USH1C: variants seen among roughly 807,000 people sequenced by gnomAD.
USH1C encodes USH1 protein network component harmonin.
A neutral mutation model predicts 119.3 loss-of-function variants in USH1C; 90 were observed. The ratio of observed to expected loss-of-function variants is 0.75; its 90% CI spans 0.64 to 0.90. The LOEUF (loss-of-function observed/expected upper bound fraction) is 0.90, where lower values mean the gene tolerates loss of function less well. Ranked by LOEUF, USH1C falls within the 40% of genes least tolerant of loss-of-function variation. The probability of loss-of-function intolerance (pLI) is 0.00; values close to 1 mark genes in which losing one functional copy is unlikely to be tolerated. For missense variants in USH1C, 1,165 were observed against 1,167.7 expected (o/e 1.00, Z 0.03); for synonymous variants, 465 against 443.3 (o/e 1.05, Z -0.62).
chr11:17,512,281 T>C (rs1849929347), intron 15 of USH1C, among the ~76,000 whole-genome samples: 1 of 152,120 alleles, frequency 6.6e-6, no homozygotes, highest in African/African-American at 2.4e-5. Context: ...GACTGGCTTA[T>C]TAGTTCACTA....
chr11:17,512,094 A>G (rs1849918510), intron 15 of USH1C, 40 bp from the exon 16 acceptor site: 1 of 1,609,310 alleles, frequency 6.2e-7, no homozygotes, highest in Non-Finnish European at 8.5e-7. Flanking sequence ...AAAGGTTAGA[A>G]ATAGTGTCGA....
intron 15 of USH1C, among the ~76,000 whole-genome samples, chr11:17,515,973 G>A (rs1850125801): frequency 6.6e-6 from 1 of 152,204 alleles, no homozygotes. Context: ...CCCCTTTCCT[G>A]TTCCCATCAG....
intron 8 of USH1C, among the ~76,000 whole-genome samples, chr11:17,525,469 T>C (rs75959242): frequency 0.025 from 3,844 of 152,320 alleles, 168 homozygotes; most frequent in African/African-American, 0.087. Context: ...AGGTACTAAG[T>C]TTGGCACTTT....
chr11:17,505,858 T>G lies in USH1C; in HGVS notation c.2105A>C (p.Tyr702Ser). 5 of 1,614,100 alleles carry G rather than the reference T, an allele frequency of 3.1e-6. No homozygotes were observed. The highest frequency in any genetic ancestry group is 4.2e-6 in the Non-Finnish European group (5 of 1,179,992). ...AACTTCAGATTTCACAGCTGGCCTG[T>G]AGATGAAATTGGGCTCCTGGTGGAC... ...VMVHQEPNFI[Y>S]RPAVKSEVLP... The change falls in exon 19 of 27, where the codon TAC (tyrosine) becomes TCC (serine). Residue 702 changes from tyrosine (Y) to serine (S), a missense_variant. Transcript: ENST00000005226.
chr11:17,527,612 T>A (rs1850768217), intron 4 of USH1C, among the ~76,000 whole-genome samples: 1 of 152,122 alleles, frequency 6.6e-6, no homozygotes, highest in African/African-American at 2.4e-5. Flanking sequence ...TGGGAGAAGA[T>A]CTCAGAACTC....
At chr11:17,504,443 A>C (rs536985765) in intron 20 of USH1C, among the ~76,000 whole-genome samples, 1 of 152,262 alleles carries the variant, frequency 6.6e-6, no homozygotes, top group South Asian at 2.1e-4. Context: ...CATGGGGTCT[A>C]ATAAGCCCTG....
chr11:17,531,402 G>A lies in USH1C; in HGVS notation c.245C>T (p.Ser82Phe), dbSNP rs769021971. ...AGCCTGGTGGCTTCCTCTGCACCTG[G>A]AGCGCCGGGGGGTCAGCTGATCATA... is the stretch of plus-strand genomic sequence containing the variant. ...VEYDQLTPRR[S>F]RKLKEVRLDR... Residue 82 changes from serine (S) to phenylalanine (F), a missense_variant, in exon 3 of 27, where the codon TCC (serine) becomes TTC (phenylalanine). Physicochemically the swap from Ser to Phe is radical, Grantham distance 155 (BLOSUM62 -2). Coordinates refer to ENST00000005226, the MANE Select transcript of USH1C (RefSeq NM_153676.4). The surrounding 1 kb of genome is among the most constrained non-coding windows in gnomAD (Gnocchi z 4.2). 1 of 1,613,828 alleles carries A rather than the reference G, an allele frequency of 6.2e-7. No individual in the cohort carries two copies. The highest frequency in any genetic ancestry group is 8.5e-7 in the Non-Finnish European group (1 of 1,179,852).
intron 8 of USH1C, among the ~76,000 whole-genome samples, chr11:17,525,626 C>G (rs552504520): frequency 6.6e-6 from 1 of 152,180 alleles, no homozygotes; most frequent in African/African-American, 2.4e-5. Context: ...ATCTGAGTAA[C>G]GGTGGCACCT....
intron 15 of USH1C, 140 bp from the exon 16 acceptor site, chr11:17,512,194 A>T: frequency 1.1e-6 from 1 of 948,826 alleles, no homozygotes; most frequent in East Asian, 2.4e-5. Flanking sequence ...TCTGGACATC[A>T]GACCTCAGGT....
At chr11:17,512,688 C>T (rs923993543) in intron 15 of USH1C, among the ~76,000 whole-genome samples, 9 of 152,124 alleles carry the variant, frequency 5.9e-5, no homozygotes, top group African/African-American at 1.4e-4. Context: ...AGATTTTACC[C>T]GCATGCTTAA....
chr11:17,502,011 AC>A, intron 20 of USH1C, 31 bp from the exon 21 acceptor site: 7 of 1,611,912 alleles, frequency 4.3e-6, no homozygotes, highest in Non-Finnish European at 5.9e-6. Flanking sequence ...TTAGGGCAAC[AC>A]AGCAGAGGGT....
chr11:17,495,286 G>T (rs933648428), intron 26 of USH1C, among the ~76,000 whole-genome samples: 1 of 152,212 alleles, frequency 6.6e-6, no homozygotes, highest in Non-Finnish European at 1.5e-5. Flanking sequence ...TCATTTGGGT[G>T]CTGCTTGGGA....
chr11:17,515,083 G>C (rs972827174), intron 15 of USH1C, among the ~76,000 whole-genome samples: 4 of 151,696 alleles, frequency 2.6e-5, no homozygotes, highest in African/African-American at 9.7e-5. Flanking sequence ...GTGTGTGTGT[G>C]TTTTGTCCTC....
At chr11:17,527,456 A>G (rs1024347502) in intron 4 of USH1C, 125 bp from the exon 5 acceptor site, 4 of 803,910 alleles carry the variant, frequency 5.0e-6, no homozygotes, top group Non-Finnish European at 8.4e-6. Context: ...CACCCCCTGG[A>G]ATAAGCCTTG....
intron 21 of USH1C, 131 bp from the exon 22 acceptor site, chr11:17,501,666 C>T (rs1849452844): frequency 1.8e-6 from 2 of 1,101,074 alleles, no homozygotes; most frequent in African/African-American, 3.1e-5. Context: ...GGGACCGTGC[C>T]CAGCCCCACC....
In USH1C at chr11:17,505,840, G is replaced by T. The variant is rs769796981; in HGVS notation, c.2123C>A (p.Ser708Tyr). The stretch of plus-strand genomic sequence containing the variant: ...ACCCAAGGGGCTTACCAGAACTTCA[G>T]ATTTCACAGCTGGCCTGTAGATGAA... ...PNFIYRPAVK[S>Y]EVLPQEMLKR... Residue 708 changes from serine to tyrosine, a missense_variant, in exon 19 of 27, where the codon TCT becomes TAT. By Grantham distance (144) the Ser-to-Tyr change is moderately radical. Transcript: ENST00000005226. 6.2e-7 allele frequency: 1 copy of T among 1,614,130 alleles called. No individual in the cohort carries two copies. Among genetic ancestry groups the T allele is most frequent in the Admixed American group, 1.7e-5 (1 of 60,026 alleles).
rs760081219 is a variant in USH1C, at chr11:17,526,338, G to A, written c.674+9C>T. 6.2e-7 allele frequency: 1 copy of A among 1,612,132 alleles called. No individual in the cohort carries two copies. Among genetic ancestry groups the A allele is most frequent in the South Asian group, 1.1e-5 (1 of 91,016 alleles). ...CCACGAATGACCCCAGGGCATGCCT[G>A]CCACCCACCTGCAGCCAAGGCCTCG... On this transcript the variant is annotated intron_variant, in intron 8 of 26. Transcript: ENST00000005226.
chr11:17,499,307 C>T (rs1409162541), intron 23 of USH1C, among the ~76,000 whole-genome samples: 1 of 152,220 alleles, frequency 6.6e-6, no homozygotes, highest in Non-Finnish European at 1.5e-5. Flanking sequence ...GCCATGGTGG[C>T]TTAAAACACA....
intron 24 of USH1C, 134 bp downstream of exon 24, chr11:17,498,028 G>T (rs1849302059): frequency 2.8e-6 from 2 of 719,656 alleles, no homozygotes; most frequent in Admixed American, 2.1e-5. Flanking sequence ...ATGGGGTATG[G>T]TGTCACCAAA....
Sources: allele counts gnomAD v4.1 joint callset (sites outside exome capture counted in the v4.1 genomes callset), GRCh38; gene constraint gnomAD v4.1.1; non-coding constraint Gnocchi (gnomAD v3.1); transcripts MANE v1.5; gene names NCBI Gene and HGNC (gene_info 2026-07-23, HGNC 2026-07-21).